Variants in DCC observed in about 807,000 individuals in gnomAD.
The protein encoded by DCC is DCC netrin 1 receptor, also known as netrin receptor DCC.
A neutral mutation model predicts 172.5 loss-of-function variants in DCC; 58 were observed. The ratio of observed to expected loss-of-function variants is 0.34; its 90% CI spans 0.27 to 0.42. DCC has a LOEUF of 0.42. Among genes scored for constraint, DCC ranks in the 10% least tolerant of loss-of-function variants. The pLI, the probability that DCC is intolerant of heterozygous loss-of-function variation, is 1.00. For missense variants in DCC, 1,740 were observed against 1,791.0 expected, an observed-to-expected ratio of 0.97 and a Z score of 0.51; for synonymous variants, 709 against 644.5, an observed-to-expected ratio of 1.10 and a Z score of -1.52.
At chr18:52,909,123 C>T (rs879358454) in intron 3 of DCC, among the ~76,000 whole-genome samples, 1 of 152,164 alleles carries the variant, frequency 6.6e-6, no homozygotes, top group Non-Finnish European at 1.5e-5. Context: ...CAAATCTCTG[C>T]TTCTCTTAGT....
At chr18:53,498,352 GATTT>G (rs2046051325) in intron 26 of DCC, among the ~76,000 whole-genome samples, 1 of 151,938 alleles carries the variant, frequency 6.6e-6, no homozygotes, top group African/African-American at 2.4e-5. Flanking sequence ...ATTTTGTTTT[GATTT>G]ATCTGACAAA....
chr18:53,333,256 A>G (rs1026144517), intron 14 of DCC, among the ~76,000 whole-genome samples: 1 of 152,216 alleles, frequency 6.6e-6, no homozygotes, highest in African/African-American at 2.4e-5. Context: ...GGCCCTGTCT[A>G]TAGAAATGAA....
chr18:52,654,545 T>A lies in DCC; in HGVS notation c.92-97509T>A, dbSNP rs981632131. Among the ~76,000 whole-genome samples the A allele has an allele frequency of 2.0e-5, 3 of 152,200 alleles. No individual in the cohort carries two copies. In the South Asian group the frequency reaches 6.2e-4, roughly 31 times the overall value. On this transcript the variant is annotated intron_variant, in intron 1 of 28. Coordinates refer to ENST00000442544, the MANE Select transcript of DCC (RefSeq NM_005215.4). ...TCTCTTTGGCTTATGGATGGCTACC[T>A]TCCTCACAGGGCCTTTTTGTGTGTT...
chr18:53,034,749 G>A (rs1287126146), intron 5 of DCC, among the ~76,000 whole-genome samples: 2 of 151,462 alleles, frequency 1.3e-5, no homozygotes, highest in Non-Finnish European at 2.9e-5. Context: ...CCAAAGCTCT[G>A]GAAATAGTCC....
intron 1 of DCC, among the ~76,000 whole-genome samples, chr18:52,643,668 T>C (rs1328040180): frequency 6.6e-6 from 1 of 152,180 alleles, no homozygotes; most frequent in Admixed American, 6.5e-5. Context: ...ATGGCCCACA[T>C]TCCACACTAT....
At chr18:53,197,625 G>C (rs1365964872) in intron 9 of DCC, among the ~76,000 whole-genome samples, 1 of 151,908 alleles carries the variant, frequency 6.6e-6, no homozygotes, top group East Asian at 1.9e-4. Context: ...GCCTCGTTCA[G>C]TATTAGGAAG....
At chr18:52,731,848 T>C (rs1435839640) in intron 1 of DCC, among the ~76,000 whole-genome samples, 4 of 152,186 alleles carry the variant, frequency 2.6e-5, no homozygotes, top group African/African-American at 7.2e-5. Context: ...ATGTTTCTAT[T>C]TGTCTGGATT....
intron 27 of DCC, among the ~76,000 whole-genome samples, chr18:53,504,864 G>GGCCTAAAAACGTTAGGTAGCTT: frequency 6.6e-6 from 1 of 152,130 alleles, no homozygotes; most frequent in East Asian, 1.9e-4. Context: ...GCTTGCCCAA[G>GGCCTAAAAACGTTAGGTAGCTT]GTCAACAATT....
At chr18:52,783,323 C>CTTTTTTTTTTTTGTTTTTTT (rs2037586783) in intron 2 of DCC, among the ~76,000 whole-genome samples, 1 of 59,270 alleles carries the variant, frequency 1.7e-5, no homozygotes, top group African/African-American at 8.0e-5. Flanking sequence ...TACTACTACT[C>CTTTTTTTTTTTTGTTTTTTT]TTTTTTTTTT....
intron 2 of DCC, among the ~76,000 whole-genome samples, chr18:52,888,080 T>C (rs2039594530): frequency 2.0e-5 from 3 of 152,222 alleles, no homozygotes. Flanking sequence ...AAATCTCCTG[T>C]CCTTTGTTTT....
At chr18:53,432,331 G>A (rs62098292) in intron 21 of DCC, among the ~76,000 whole-genome samples, 65,666 of 151,904 alleles carry the variant, frequency 0.43, 15,966 homozygotes, top group Non-Finnish European at 0.55. Context: ...CAGGATCCAT[G>A]TCTAATATAT....
chr18:53,457,320 G>A (rs2045495075), intron 23 of DCC, among the ~76,000 whole-genome samples: 1 of 152,182 alleles, frequency 6.6e-6, no homozygotes, highest in Non-Finnish European at 1.5e-5. Context: ...GCAAATAAAT[G>A]AATAAGTGAA....
chr18:52,682,684 C>A (rs567159942), intron 1 of DCC, among the ~76,000 whole-genome samples: 1 of 151,910 alleles, frequency 6.6e-6, no homozygotes, highest in Admixed American at 6.6e-5. Context: ...ACGAAGCAGA[C>A]AAATATAAAA....
At position 53,515,572 on chromosome 18, in the gene DCC, CCTT is replaced by C. The variant is rs1287021373; in HGVS notation, c.4112-11044_4112-11042del. Among the ~76,000 whole-genome samples the C allele has an allele frequency of 1.4e-3, 207 of 143,502 alleles. 2 individuals are homozygous for C. Among genetic ancestry groups the C allele is most frequent in the African/African-American group, 5.0e-3 (192 of 38,414 alleles). 94.1% of individuals were successfully genotyped at this position (143,502 alleles called of 152,430 possible). A position where few individuals can be genotyped will look rare whatever the true frequency, so the allele number is the denominator to read the frequency against. ...ACCCCATTGTCTCAGCCCAAAATCTCCTTAAGCTGATAAGCAACTTCAGCAAAG... is the reference window on the plus strand; with the variant it reads ...ACCCCATTGTCTCAGCCCAAAATCTCAAGCTGATAAGCAACTTCAGCAAAG... On this transcript the variant is annotated intron_variant, in intron 27 of 28. Transcript: ENST00000442544.
chr18:53,094,043 T>C (rs920669794), intron 7 of DCC, among the ~76,000 whole-genome samples: 3 of 152,180 alleles, frequency 2.0e-5, no homozygotes, highest in African/African-American at 7.2e-5. Flanking sequence ...AAATGAGAAA[T>C]GTTTAAAATC....
chr18:53,153,535 T>C (rs185514888), intron 7 of DCC, among the ~76,000 whole-genome samples: 6 of 152,180 alleles, frequency 3.9e-5, no homozygotes, highest in Non-Finnish European at 7.3e-5. Flanking sequence ...TGGTCTCCGA[T>C]AGAATTTTTT....
At position 52,647,518 on chromosome 18, in the gene DCC, T is replaced by C. The variant is rs551684886; in HGVS notation, c.92-104536T>C. 4.6e-5 allele frequency among the ~76,000 whole-genome samples: 7 copies of C among 152,306 alleles called. 1 individual carries two copies. The South Asian group carries it at 1.2e-3, about 27-fold the overall frequency. ...GGAGAGGTAGACTGCACTGAAATCC[T>C]TTGAGTAAGTCTGGAATCCCATGCT... On this transcript the variant is annotated intron_variant, in intron 1 of 28. Transcript: ENST00000442544.
At chr18:52,789,253 C>T (rs2037715671) in intron 2 of DCC, among the ~76,000 whole-genome samples, 1 of 151,556 alleles carries the variant, frequency 6.6e-6, no homozygotes, top group South Asian at 2.1e-4. Context: ...GTGAGAAAAA[C>T]AGGTTTTTTC....
At chr18:53,441,930 C>T (rs1336837473) in intron 22 of DCC, among the ~76,000 whole-genome samples, 1 of 152,208 alleles carries the variant, frequency 6.6e-6, no homozygotes, top group African/African-American at 2.4e-5. Flanking sequence ...GTAGCCTCCT[C>T]TTATGCCATT....
Sources: allele counts gnomAD v4.1 joint callset (sites outside exome capture counted in the v4.1 genomes callset), GRCh38; gene constraint gnomAD v4.1.1; transcripts MANE v1.5; gene names NCBI Gene and HGNC (gene_info 2026-07-23, HGNC 2026-07-21).